ZDHHC5: variants seen among roughly 807,000 people sequenced by gnomAD.
The protein encoded by ZDHHC5 is palmitoyltransferase ZDHHC5.
ZDHHC5 carries 22 observed loss-of-function variants against 70.0 expected under a neutral mutation model. The observed-to-expected ratio is 0.31, with a 90% CI of 0.22 to 0.45. The LOEUF is 0.45. Ranked by LOEUF, ZDHHC5 falls within the 20% of genes least tolerant of loss-of-function variation. The pLI, the probability that ZDHHC5 is intolerant of heterozygous loss-of-function variation, is 1.00. For synonymous variants in ZDHHC5, 313 were observed against 347.8 expected, an observed-to-expected ratio of 0.90 and a Z score of 1.11; for missense variants, 746 against 926.9, an observed-to-expected ratio of 0.80 and a Z score of 2.53.
In ZDHHC5 at chr11:57,671,522, A is replaced by C. The variant is rs184804818; in HGVS notation, c.-1070-499A>C. ...CCAAAAGACCAAAAATTCAGCTTCT[A>C]CCTCTTCAGGATTGTAACTAAAAAG... On this transcript the variant is annotated intron_variant, in intron 1 of 11. Transcript: ENST00000287169. Among the ~76,000 whole-genome samples, 73 of 152,298 alleles carry C rather than the reference A, an allele frequency of 4.8e-4. No homozygotes were observed. In the East Asian group the frequency reaches 0.011, roughly 23 times the overall value.
At position 57,700,423 on chromosome 11, in the gene ZDHHC5, A is replaced by ATT; in HGVS notation, c.*393_*394insTT. On this transcript the variant is annotated 3_prime_UTR_variant, in exon 12 of 12. Transcript: ENST00000287169. The stretch of plus-strand genomic sequence containing the variant: ...GTGTGTGTGTACATATAATATATAT[A>ATT]TATATATATTATAAATATCAAAGAA... 1 of 148,200 alleles carries ATT rather than the reference A, an allele frequency of 6.7e-6. No individual in the cohort carries two copies. Among genetic ancestry groups the ATT allele is most frequent in the African/African-American group, 2.5e-5 (1 of 40,798 alleles). 9.2% of individuals were successfully genotyped at this position (148,200 alleles called of 1,614,324 possible).
intron 2 of ZDHHC5, among the ~76,000 whole-genome samples, chr11:57,681,988 G>A (rs1946155095): frequency 1.3e-5 from 2 of 152,218 alleles, no homozygotes; most frequent in Non-Finnish European, 2.9e-5. Context: ...GGTATCCCAT[G>A]CTTTGGGCCA....
In ZDHHC5 at chr11:57,669,042, TTCTA is replaced by T. The variant is rs201531507; in HGVS notation, c.-1071+859_-1071+862del. 1.5e-3 allele frequency among the ~76,000 whole-genome samples: 233 copies of T among 152,352 alleles called. 3 individuals carry two copies. In the East Asian group the frequency reaches 0.039, roughly 25 times the overall value. On this transcript the variant is annotated intron_variant, in intron 1 of 11. Transcript: ENST00000287169. Reference sequence around the variant, plus strand: ...TTGATCTAACATTTGCATATCATCCTTCTATCTCAGTATACCTCTGTCCTGGATC... The same window carrying T: ...TTGATCTAACATTTGCATATCATCCTTCTCAGTATACCTCTGTCCTGGATC...
intron 5 of ZDHHC5, 54 bp downstream of exon 5, chr11:57,690,257 T>C (rs904149649): frequency 1.2e-6 from 2 of 1,613,508 alleles, no homozygotes; most frequent in Non-Finnish European, 1.7e-6. Context: ...GAATGAGGGC[T>C]AAAGGGAAAA....
intron 9 of ZDHHC5, among the ~76,000 whole-genome samples, chr11:57,696,310 A>C (rs1946351063): frequency 6.6e-6 from 1 of 152,140 alleles, no homozygotes. Flanking sequence ...GCATTTACCC[A>C]CCCTGAATTC....
Position 57,698,828 on chromosome 11 carries a change from C to T in ZDHHC5, c.1392C>T (p.Arg464=). The change falls in exon 11 of 12, where the codon CGC becomes CGT. Residue 464 remains arginine, a synonymous_variant. Transcript: ENST00000287169. The part of the protein sequence containing the change: ...TSYKSLANQT[R]NGSLSYDSLL... Reference sequence around the variant, plus strand: ...ATAAGAGCCTGGCCAACCAGACACGCAATGGAAGCCTATCTTATGACAGCT... The same window carrying T: ...ATAAGAGCCTGGCCAACCAGACACGTAATGGAAGCCTATCTTATGACAGCT... 1.2e-6 allele frequency: 2 copies of T among 1,614,248 alleles called. No homozygotes were observed. The highest frequency in any genetic ancestry group is 1.7e-5 in the Admixed American group (1 of 60,030).
chr11:57,682,330 G>T, intron 2 of ZDHHC5, 92 bp from the exon 3 acceptor site: 2 of 1,469,322 alleles, frequency 1.4e-6, no homozygotes, highest in Non-Finnish European at 9.1e-7. Flanking sequence ...TTTATCTATA[G>T]GTAAGGGGCT....
chr11:57,694,060 G>A, intron 8 of ZDHHC5, 145 bp downstream of exon 8: 8 of 1,111,206 alleles, frequency 7.2e-6, no homozygotes, highest in Non-Finnish European at 8.4e-6. Flanking sequence ...GAGTGCAGTG[G>A]TGCTCAGTGC....
At position 57,672,002 on chromosome 11, in the gene ZDHHC5, G is replaced by A; in HGVS notation, c.-1070-19G>A. 2.7e-6 allele frequency: 1 copy of A among 374,582 alleles called. No homozygotes were observed. Among genetic ancestry groups the A allele is most frequent in the Non-Finnish European group, 4.7e-6 (1 of 211,446 alleles). The allele number at this position is 374,582 out of a possible 1,614,324, so 23.2% of individuals were successfully genotyped here. The stretch of plus-strand genomic sequence containing the variant: ...TACCCTGAAAGAATTCTCTGATAAA[G>A]ATACTTGTTTTTCTCCAGGTGAGAC... On this transcript the variant is annotated intron_variant, in intron 1 of 11. Transcript: ENST00000287169.
At chr11:57,670,673 C>T (rs1945994107) in intron 1 of ZDHHC5, among the ~76,000 whole-genome samples, 2 of 152,076 alleles carry the variant, frequency 1.3e-5, no homozygotes, top group Admixed American at 6.6e-5. Context: ...TCACTGTATT[C>T]TAATACTGCT....
chr11:57,690,571 T>A, intron 6 of ZDHHC5, 134 bp downstream of exon 6: 1 of 975,914 alleles, frequency 1.0e-6, no homozygotes, highest in Non-Finnish European at 1.6e-6. Flanking sequence ...AGATTAATGG[T>A]AGGGAGTGAG....
intron 2 of ZDHHC5, among the ~76,000 whole-genome samples, chr11:57,677,823 G>A (rs1946091608): frequency 6.6e-6 from 1 of 151,774 alleles, no homozygotes; most frequent in Admixed American, 6.6e-5. Flanking sequence ...TTGTGATTTA[G>A]CACATTAATG....
intron 1 of ZDHHC5, among the ~76,000 whole-genome samples, chr11:57,671,546 A>T (rs1314761387): frequency 6.6e-6 from 1 of 152,248 alleles, no homozygotes; most frequent in African/African-American, 2.4e-5. Flanking sequence ...GTAACTAAAA[A>T]GCATAGAGGA....
At chr11:57,670,675 A>T (rs2135373738) in intron 1 of ZDHHC5, among the ~76,000 whole-genome samples, 1 of 152,244 alleles carries the variant, frequency 6.6e-6, no homozygotes, top group Middle Eastern at 3.4e-3. Context: ...ACTGTATTCT[A>T]ATACTGCTGT....
In ZDHHC5 at chr11:57,684,063, C is replaced by T. The variant is rs539721002; in HGVS notation, c.226+1520C>T. ...CACGGCTCACTGCAGCCTTGACCCCCCCCTGGCTCAGGTGATCTCCCACCT... is the reference window on the plus strand; with the variant it reads ...CACGGCTCACTGCAGCCTTGACCCCTCCCTGGCTCAGGTGATCTCCCACCT... On this transcript the variant is annotated intron_variant, in intron 3 of 11. Transcript: ENST00000287169. 2.9e-5 allele frequency among the ~76,000 whole-genome samples: 4 copies of T among 136,248 alleles called. No homozygotes were observed. In the South Asian group the frequency reaches 9.9e-4, roughly 34 times the overall value. 89.4% of individuals were successfully genotyped at this position (136,248 alleles called of 152,430 possible).
At chr11:57,682,674 CGCAG>C (rs2135387750) in intron 3 of ZDHHC5, 131 bp downstream of exon 3, 1 of 1,162,514 alleles carries the variant, frequency 8.6e-7, no homozygotes, top group Admixed American at 3.4e-5. Context: ...TTTGGGCATA[CGCAG>C]TTGATCTTGG....
chr11:57,677,338 G>A (rs1463689871), intron 2 of ZDHHC5, among the ~76,000 whole-genome samples: 4 of 147,010 alleles, frequency 2.7e-5, no homozygotes, highest in African/African-American at 1.0e-4. Context: ...CCAGGCTGGA[G>A]TGTGGTGGTG....
chr11:57,695,391 G>T (rs1489916404), intron 8 of ZDHHC5, among the ~76,000 whole-genome samples: 1 of 151,956 alleles, frequency 6.6e-6, no homozygotes, highest in East Asian at 1.9e-4. Context: ...CTGCACTCCA[G>T]CCTGGGTGAC....
intron 2 of ZDHHC5, among the ~76,000 whole-genome samples, chr11:57,678,600 C>T (rs1946105846): frequency 6.7e-6 from 1 of 148,244 alleles, no homozygotes; most frequent in South Asian, 2.1e-4. Flanking sequence ...ATTCTAGCGG[C>T]TGGGAGCAGT....
Sources: gnomAD v4.1 joint callset for allele counts (sites outside exome capture counted in the v4.1 genomes callset) on GRCh38, gnomAD v4.1.1 for gene constraint, MANE v1.5 for transcripts, NCBI Gene and HGNC (gene_info 2026-07-23, HGNC 2026-07-21) for gene names.